The following PRKN variants were observed in gnomAD, a reference collection of about 807,000 sequenced individuals.
The protein encoded by PRKN is parkin RBR E3 ubiquitin protein ligase, also known as E3 ubiquitin-protein ligase parkin.
Under a neutral mutation model 59.5 loss-of-function variants are expected in PRKN, and 56 were observed. That is an observed-to-expected ratio of 0.94 (90% CI 0.76 to 1.18). PRKN has a LOEUF of 1.18. Ranked by LOEUF, PRKN falls within the 50% of genes most tolerant of loss-of-function variation. The probability of loss-of-function intolerance (pLI) is 0.00; values close to 1 mark genes in which losing one functional copy is unlikely to be tolerated. For missense variants in PRKN, 657 were observed against 596.4 expected (o/e 1.10, Z -1.06); for synonymous variants, 250 against 222.1 (o/e 1.13, Z -1.12).
rs574510202 is a variant in PRKN at position 162,241,557 on chromosome 6, A to G, written c.412+20968T>C. 2.0e-4 allele frequency among the ~76,000 whole-genome samples: 30 copies of G among 152,224 alleles called. No homozygotes were observed. The East Asian group carries it at 5.4e-3, about 27-fold the overall frequency. ...ATATCTAGGTCTTATCCCTACTTAT[A>G]TTGATAGGCATGATTTGGTGGGAAA... On this transcript the variant is annotated intron_variant, in intron 3 of 11. Transcript: ENST00000366898.
intron 2 of PRKN, among the ~76,000 whole-genome samples, chr6:162,391,954 A>C (rs1392467637): frequency 1.3e-5 from 2 of 152,102 alleles, no homozygotes; most frequent in African/African-American, 4.8e-5. Context: ...AAGATTATGG[A>C]TTTTAGGTAG....
intron 3 of PRKN, among the ~76,000 whole-genome samples, chr6:162,242,754 G>A (rs1356975079): frequency 6.6e-6 from 1 of 152,118 alleles, no homozygotes; most frequent in Non-Finnish European, 1.5e-5. Context: ...CCTACAGAGA[G>A]GCAGCTCCTC....
At chr6:162,569,329 C>A in intron 1 of PRKN, 1 of 620,714 alleles carries the variant, frequency 1.6e-6, no homozygotes, top group Non-Finnish European at 3.1e-6. Flanking sequence ...ATGCCAACAC[C>A]AAGCTGTCCA....
intron 1 of PRKN, among the ~76,000 whole-genome samples, chr6:162,530,557 A>G (rs1263457075): frequency 6.6e-6 from 1 of 152,164 alleles, no homozygotes; most frequent in Non-Finnish European, 1.5e-5. Context: ...CGTCTGCAGA[A>G]TGAAGAACAC....
intron 5 of PRKN, among the ~76,000 whole-genome samples, chr6:162,043,204 G>T (rs1220880634): frequency 6.6e-6 from 1 of 152,114 alleles, no homozygotes; most frequent in African/African-American, 2.4e-5. Context: ...CTCCTTCTGG[G>T]TCCCTCCAGC....
chr6:162,618,662 A>C (rs1782529425), intron 1 of PRKN, among the ~76,000 whole-genome samples: 2 of 152,236 alleles, frequency 1.3e-5, no homozygotes. Context: ...TAGCTACAGC[A>C]TAACAAATGA....
At chr6:161,923,246 G>C (rs1269792542) in intron 6 of PRKN, among the ~76,000 whole-genome samples, 2 of 152,232 alleles carry the variant, frequency 1.3e-5, no homozygotes, top group Non-Finnish European at 2.9e-5. Flanking sequence ...ACTTTGGGAG[G>C]CTAAGTGGGG....
At chr6:162,235,669 G>A (rs1475751280) in intron 3 of PRKN, among the ~76,000 whole-genome samples, 1 of 151,864 alleles carries the variant, frequency 6.6e-6, no homozygotes, top group Non-Finnish European at 1.5e-5. Flanking sequence ...CTAGCGCGGT[G>A]GCTGGTGCCT....
In PRKN at chr6:161,563,153, G is replaced by A. The variant is rs140900492; in HGVS notation, c.933+6202C>T. Among the ~76,000 whole-genome samples the A allele has an allele frequency of 8.5e-3, 1,291 of 152,114 alleles. 15 individuals are homozygous for A. The highest frequency in any genetic ancestry group is 0.03 in the African/African-American group (1,242 of 41,468). ...ATAGCTGGTGTCCCCTCAACGCTTA[G>A]TCTCAGGGCTCCTCAACTACCCCTC... On this transcript the variant is annotated intron_variant, in intron 8 of 11. Transcript: ENST00000366898.
intron 1 of PRKN, among the ~76,000 whole-genome samples, chr6:162,686,336 T>C (rs200814432): frequency 6.6e-6 from 1 of 152,150 alleles, no homozygotes; most frequent in Non-Finnish European, 1.5e-5. Context: ...ATTTAATAAA[T>C]GATAACTCCT....
intron 7 of PRKN, among the ~76,000 whole-genome samples, chr6:161,753,583 A>T (rs966643311): frequency 1.3e-5 from 2 of 152,218 alleles, no homozygotes; most frequent in African/African-American, 4.8e-5. Context: ...CTGGCTGAGC[A>T]TGGGAGAGGA....
In PRKN at chr6:161,377,111, G is replaced by A. The variant is rs1461977480; in HGVS notation, c.1167+9683C>T. On this transcript the variant is annotated intron_variant, in intron 10 of 11. Transcript: ENST00000366898. This position sits in a 1 kb window ranked among gnomAD's most constrained non-coding sequence, Gnocchi z 4.2. Reference sequence around the variant, plus strand: ...CCAGGTGTCTGTGGAGGGAAAAGAGGTCACGTGGGGCTACCTGCGGGCCAA... The same window carrying A: ...CCAGGTGTCTGTGGAGGGAAAAGAGATCACGTGGGGCTACCTGCGGGCCAA... Among the ~76,000 whole-genome samples, 1 of 152,216 alleles carries A rather than the reference G, an allele frequency of 6.6e-6. No individual in the cohort carries two copies. Among genetic ancestry groups the A allele is most frequent in the African/African-American group, 2.4e-5 (1 of 41,460 alleles).
intron 2 of PRKN, among the ~76,000 whole-genome samples, chr6:162,340,145 A>AT (rs1347641680): frequency 1.3e-4 from 13 of 100,846 alleles, no homozygotes; most frequent in African/African-American, 7.6e-4. Context: ...AAAAAAATAA[A>AT]TTAAAAAAAA....
chr6:161,736,211 G>A lies in PRKN; in HGVS notation c.871+49561C>T, dbSNP rs77633207. Among the ~76,000 whole-genome samples, 1,414 of 152,310 alleles carry A rather than the reference G, an allele frequency of 9.3e-3. 26 individuals carry two copies. The highest frequency in any genetic ancestry group is 0.033 in the African/African-American group (1,361 of 41,564). ...CTCAAAATCTCATGGCAAGGCTGATGTTCACATGAATTATCAAAGAGAAAG... is the reference window on the plus strand; with the variant it reads ...CTCAAAATCTCATGGCAAGGCTGATATTCACATGAATTATCAAAGAGAAAG... On this transcript the variant is annotated intron_variant, in intron 7 of 11. Coordinates refer to ENST00000366898, the MANE Select transcript of PRKN (RefSeq NM_004562.3).
intron 6 of PRKN, among the ~76,000 whole-genome samples, chr6:161,924,064 C>T (rs1039879482): frequency 7.9e-5 from 12 of 152,140 alleles, no homozygotes; most frequent in Admixed American, 4.6e-4. Context: ...GGGGAAGTTA[C>T]TTAACCTCTC....
intron 1 of PRKN, among the ~76,000 whole-genome samples, chr6:162,652,212 T>C (rs1440084326): frequency 6.6e-6 from 1 of 152,182 alleles, no homozygotes; most frequent in Non-Finnish European, 1.5e-5. Context: ...ACCTCATATT[T>C]GGGCATACGT....
Position 161,550,932 on chromosome 6 carries a change from A to T in PRKN, c.934-1929T>A, listed in dbSNP as rs778458330. Among the ~76,000 whole-genome samples the T allele has an allele frequency of 3.9e-5, 6 of 152,126 alleles. No homozygotes were observed. The highest frequency in any genetic ancestry group is 7.3e-5 in the Non-Finnish European group (5 of 68,028). ...TTGAAGTCATTAGCCTGAGCCTCTA[A>T]TCCATTTTCTCATTCTTCTGTCCCC... On this transcript the variant is annotated intron_variant, in intron 8 of 11. Coordinates refer to ENST00000366898, the MANE Select transcript of PRKN (RefSeq NM_004562.3). This position sits in a 1 kb window ranked among gnomAD's most constrained non-coding sequence, Gnocchi z 4.0.
rs59944356 is a variant in PRKN at position 162,540,807 on chromosome 6, C to CAAA, written c.8-97337_8-97335dup. ...GGGTGACAAGAGTGAAACTCTGGCT[C>CAAA]AAAAAAAAAAAAAAAAATTAAAAAT... On this transcript the variant is annotated intron_variant, in intron 1 of 11. Coordinates refer to ENST00000366898, the MANE Select transcript of PRKN (RefSeq NM_004562.3). 5.6e-3 allele frequency among the ~76,000 whole-genome samples: 709 copies of CAAA among 126,314 alleles called. 8 individuals are homozygous for CAAA. The highest frequency in any genetic ancestry group is 0.014 in the African/African-American group (467 of 33,664). 82.9% of individuals were successfully genotyped at this position (126,314 alleles called of 152,430 possible). A position where few individuals can be genotyped will look rare whatever the true frequency, so the allele number is the denominator to read the frequency against.
In PRKN at chr6:161,770,022, C is replaced by G. The variant is rs1789597646; in HGVS notation, c.871+15750G>C. On this transcript the variant is annotated intron_variant, in intron 7 of 11. Transcript: ENST00000366898. The stretch of plus-strand genomic sequence containing the variant: ...CAAATGCTGTCCTAGCCACCTGCAC[C>G]CCCAAGAAGATGCTTGAATCTTTAC... 1.3e-5 allele frequency among the ~76,000 whole-genome samples: 2 copies of G among 152,124 alleles called. 1 individual carries two copies. The highest frequency in any genetic ancestry group is 2.9e-5 in the Non-Finnish European group (2 of 68,028).
Sources: gnomAD v4.1 joint callset for allele counts (sites outside exome capture counted in the v4.1 genomes callset) on GRCh38, gnomAD v4.1.1 for gene constraint, Gnocchi (gnomAD v3.1) non-coding constraint, MANE v1.5 for transcripts, NCBI Gene and HGNC (gene_info 2026-07-23, HGNC 2026-07-21) for gene names.